The following CBFA2T2 variants were observed in gnomAD, a reference collection of about 807,000 sequenced individuals.
CBFA2T2 encodes the protein CBFA2/RUNX1 partner transcriptional co-repressor 2, also known as protein CBFA2T2.
A neutral mutation model predicts 62.2 loss-of-function variants in CBFA2T2; 11 were observed. That is an observed-to-expected ratio of 0.18 (90% confidence interval 0.11 to 0.29). The LOEUF is 0.29. CBFA2T2 is among the 10% of genes least tolerant of loss of function. The pLI, the probability that CBFA2T2 is intolerant of heterozygous loss-of-function variation, is 1.00. For synonymous variants in CBFA2T2, 295 were observed against 287.5 expected, an observed-to-expected ratio of 1.03 and a Z score of -0.27; for missense variants, 592 against 774.1, an observed-to-expected ratio of 0.76 and a Z score of 2.79.
At chr20:33,500,434 C>T (rs567388741) in intron 1 of CBFA2T2, among the ~76,000 whole-genome samples, 9 of 152,080 alleles carry the variant, frequency 5.9e-5, no homozygotes, top group South Asian at 2.1e-4. Flanking sequence ...CCAGGCCAGG[C>T]GCGGTGGCTC....
At chr20:33,573,486 T>C (rs931407320) in intron 1 of CBFA2T2, among the ~76,000 whole-genome samples, 30 of 151,808 alleles carry the variant, frequency 2.0e-4, no homozygotes, top group Admixed American at 9.2e-4. Context: ...TCTTCTTCTT[T>C]TTTTTTTTCT....
intron 1 of CBFA2T2, among the ~76,000 whole-genome samples, chr20:33,558,813 G>A (rs1447186069): frequency 5.3e-5 from 8 of 149,694 alleles, no homozygotes; most frequent in South Asian, 2.1e-4. Flanking sequence ...TCAATTTTTC[G>A]CCAACTGTTT....
intron 1 of CBFA2T2, among the ~76,000 whole-genome samples, chr20:33,569,192 A>G (rs1455024102): frequency 6.6e-6 from 1 of 152,242 alleles, no homozygotes; most frequent in Non-Finnish European, 1.5e-5. Flanking sequence ...AAAAATTTTC[A>G]TCACTTGCTT....
In CBFA2T2 at chr20:33,606,444, A is replaced by C. The variant is rs193033809; in HGVS notation, c.35-512A>C. Among the ~76,000 whole-genome samples, 728 of 152,308 alleles carry C rather than the reference A, an allele frequency of 4.8e-3. 8 individuals carry two copies. The highest frequency in any genetic ancestry group is 0.016 in the African/African-American group (671 of 41,568). On this transcript the variant is annotated intron_variant, in intron 1 of 10. Coordinates refer to ENST00000342704, the MANE Select transcript of CBFA2T2 (RefSeq NM_001032999.3). Reference sequence around the variant, plus strand: ...GAAATTCATTCTCTCACAGTTCAGAAAGCCAGAGGCCCAAAATTGAGGTAT... The same window carrying C: ...GAAATTCATTCTCTCACAGTTCAGACAGCCAGAGGCCCAAAATTGAGGTAT...
At position 33,530,039 on chromosome 20, in the gene CBFA2T2, G is replaced by A. The variant is rs778260521; in HGVS notation, c.34+39738G>A. Among the ~76,000 whole-genome samples, 3 of 151,638 alleles carry A rather than the reference G, an allele frequency of 2.0e-5. No individual in the cohort carries two copies. The South Asian group carries it at 6.2e-4, about 32-fold the overall frequency. On this transcript the variant is annotated intron_variant, in intron 1 of 10. Coordinates refer to ENST00000342704, the MANE Select transcript of CBFA2T2 (RefSeq NM_001032999.3). The stretch of plus-strand genomic sequence containing the variant: ...TGCACTAAGGTGATCCACCTGCCTC[G>A]GCCTTCCAAAGTGCTGGGATTACAG...
rs140504394 is a variant in CBFA2T2, at chr20:33,505,366, T to C, written c.34+15065T>C. Among the ~76,000 whole-genome samples the C allele has an allele frequency of 2.6e-5, 4 of 152,350 alleles. No individual in the cohort carries two copies. In the East Asian group the frequency reaches 7.7e-4, roughly 29 times the overall value. ...AAAAGGTGAGAATCAGTTGAGGGAC[T>C]GTTAAAGGATGTTTTGAACACTGTA... On this transcript the variant is annotated intron_variant, in intron 1 of 10. Coordinates refer to ENST00000342704, the MANE Select transcript of CBFA2T2 (RefSeq NM_001032999.3).
In CBFA2T2 at chr20:33,504,074, T is replaced by C. The variant is rs144787601; in HGVS notation, c.34+13773T>C. Among the ~76,000 whole-genome samples the C allele has an allele frequency of 2.5e-3, 388 of 152,296 alleles. 6 individuals carry two copies. Among genetic ancestry groups the C allele is most frequent in the African/African-American group, 9.0e-3 (375 of 41,584 alleles). On this transcript the variant is annotated intron_variant, in intron 1 of 10. Coordinates refer to ENST00000342704, the MANE Select transcript of CBFA2T2 (RefSeq NM_001032999.3). ...TCACAGTTTTATGGGGGTTTTTGTT[T>C]GCTTGTTTCTCTACTTTTTCTTTTC...
At chr20:33,518,500 C>T (rs148903340) in intron 1 of CBFA2T2, among the ~76,000 whole-genome samples, 179 of 151,962 alleles carry the variant, frequency 1.2e-3, no homozygotes, top group African/African-American at 4.1e-3. Context: ...CGGTGGCTCA[C>T]TCCTGTAATC....
chr20:33,634,059 TTTGGC>T (rs1178170264), intron 8 of CBFA2T2, among the ~76,000 whole-genome samples: 1 of 152,064 alleles, frequency 6.6e-6, no homozygotes, highest in Non-Finnish European at 1.5e-5. Flanking sequence ...ACCTCCGCCT[TTTGGC>T]TTCAAGTGAT....
chr20:33,614,653 T>C (rs2015645350), intron 3 of CBFA2T2, among the ~76,000 whole-genome samples: 1 of 152,254 alleles, frequency 6.6e-6, no homozygotes, highest in African/African-American at 2.4e-5. Context: ...AGTAGAATCA[T>C]ACAGTATTTG....
intron 1 of CBFA2T2, among the ~76,000 whole-genome samples, chr20:33,517,389 T>C (rs2011618305): frequency 1.3e-5 from 2 of 152,120 alleles, no homozygotes; most frequent in African/African-American, 2.4e-5. Context: ...ATCAAGGTAT[T>C]TTGGTGATTA....
chr20:33,636,258 CAAAAA>C (rs34178424), intron 8 of CBFA2T2, among the ~76,000 whole-genome samples: 11 of 75,106 alleles, frequency 1.5e-4, no homozygotes, highest in African/African-American at 4.8e-4. Flanking sequence ...GACTCCGTCT[CAAAAA>C]AAAAAAAAAA....
At chr20:33,572,669 G>A (rs577090316) in intron 1 of CBFA2T2, among the ~76,000 whole-genome samples, 6 of 152,270 alleles carry the variant, frequency 3.9e-5, no homozygotes, top group South Asian at 4.1e-4. Context: ...AAAAATGGCC[G>A]ATGTAGATAT....
At chr20:33,548,845 A>T (rs918259081) in intron 1 of CBFA2T2, among the ~76,000 whole-genome samples, 2 of 152,060 alleles carry the variant, frequency 1.3e-5, no homozygotes, top group East Asian at 3.9e-4. Flanking sequence ...AGTTGCCGCT[A>T]CTCAGGAGGC....
rs935570538 is a variant in CBFA2T2 at position 33,585,972 on chromosome 20, A to G, written c.35-20984A>G. Among the ~76,000 whole-genome samples the G allele has an allele frequency of 2.6e-5, 4 of 152,200 alleles. No individual in the cohort carries two copies. In the South Asian group the frequency reaches 8.3e-4, roughly 31 times the overall value. On this transcript the variant is annotated intron_variant, in intron 1 of 10. Coordinates refer to ENST00000342704, the MANE Select transcript of CBFA2T2 (RefSeq NM_001032999.3). ...CTTTTGAAGCAAAGCTTAACTGTAG[A>G]AGAAAAATAGTGATTATTTCTCATG... is the stretch of plus-strand genomic sequence containing the variant.
intron 3 of CBFA2T2, among the ~76,000 whole-genome samples, chr20:33,618,032 G>A (rs1421023838): frequency 1.3e-5 from 2 of 151,968 alleles, no homozygotes; most frequent in African/African-American, 4.8e-5. Flanking sequence ...TCTGTTTCTG[G>A]TTTTTCACTT....
At chr20:33,491,801 A>T (rs181917233) in intron 1 of CBFA2T2, among the ~76,000 whole-genome samples, 1 of 151,786 alleles carries the variant, frequency 6.6e-6, no homozygotes, top group African/African-American at 2.4e-5. Flanking sequence ...TCCTGGGTTC[A>T]AGCTATTCTC....
chr20:33,610,481 A>G (rs2015483399), intron 2 of CBFA2T2, among the ~76,000 whole-genome samples: 1 of 152,200 alleles, frequency 6.6e-6, no homozygotes, highest in Non-Finnish European at 1.5e-5. Context: ...GCTTTATTGA[A>G]TGACCAAGGG....
In CBFA2T2 at chr20:33,572,411, A is replaced by T. The variant is rs552929161; in HGVS notation, c.35-34545A>T. Among the ~76,000 whole-genome samples, 14 of 152,340 alleles carry T rather than the reference A, an allele frequency of 9.2e-5. No homozygotes were observed. The East Asian group carries it at 2.3e-3, about 25-fold the overall frequency. Reference sequence around the variant, plus strand: ...ATTAATTGGTGAATTTAGCTAAATGATATTAACAGAATTATTTGAATAGTC... The same window carrying T: ...ATTAATTGGTGAATTTAGCTAAATGTTATTAACAGAATTATTTGAATAGTC... On this transcript the variant is annotated intron_variant, in intron 1 of 10. Transcript: ENST00000342704.
Sources: allele counts gnomAD v4.1 joint callset (sites outside exome capture counted in the v4.1 genomes callset), GRCh38; gene constraint gnomAD v4.1.1; transcripts MANE v1.5; gene names NCBI Gene and HGNC (gene_info 2026-07-23, HGNC 2026-07-21).